HEATR1: variants seen among roughly 807,000 people sequenced by gnomAD.
HEATR1 encodes HEAT repeat-containing protein 1.
A neutral mutation model predicts 248.2 loss-of-function variants in HEATR1; 77 were observed. The ratio of observed to expected loss-of-function variants is 0.31; its 90% CI spans 0.26 to 0.37. The LOEUF is 0.37. HEATR1 is among the 10% of genes least tolerant of loss of function. The probability of loss-of-function intolerance (pLI) is 1.00; values close to 1 mark genes in which losing one functional copy is unlikely to be tolerated. For synonymous variants in HEATR1, 897 were observed against 923.1 expected (o/e 0.97, Z 0.51); for missense variants, 2,420 against 2,504.9 (o/e 0.97, Z 0.72).
chr1:236,582,946 C>G (rs1663792069), intron 18 of HEATR1, 67 bp downstream of exon 18: 2 of 1,604,078 alleles, frequency 1.2e-6, no homozygotes, highest in Non-Finnish European at 1.7e-6. Context: ...TCAAGACAGT[C>G]ATTGTGGAGT....
chr1:236,579,862 C>T (rs1258138197), intron 20 of HEATR1, among the ~76,000 whole-genome samples: 2 of 151,538 alleles, frequency 1.3e-5, no homozygotes, highest in Non-Finnish European at 2.9e-5. Context: ...AGGAATTGTT[C>T]AGGGAAAAGT....
intron 42 of HEATR1, among the ~76,000 whole-genome samples, chr1:236,554,341 G>A (rs1377480697): frequency 2.6e-5 from 4 of 152,138 alleles, no homozygotes; most frequent in Non-Finnish European, 4.4e-5. Flanking sequence ...GCAGCGAGCC[G>A]AGATTGCACC....
In HEATR1 at chr1:236,582,660, C is replaced by G. The variant is rs1020403982; in HGVS notation, c.2562+76G>C. The G allele has an allele frequency of 3.9e-6, 6 of 1,523,952 alleles. No individual in the cohort carries two copies. In the African/African-American group the frequency reaches 5.5e-5, roughly 14 times the overall value. 94.4% of individuals were successfully genotyped at this position (1,523,952 alleles called of 1,614,324 possible). A position where few individuals can be genotyped will look rare whatever the true frequency, so the allele number is the denominator to read the frequency against. ...TCAAGTGATCCGCCTGCCTCGGCCT[C>G]CCAAAGTGCTGGGATTGCAGGCCAG... is the stretch of plus-strand genomic sequence containing the variant. On this transcript the variant is annotated intron_variant, in intron 19 of 44. Transcript: ENST00000366582.
Position 236,549,706 on chromosome 1 carries a change from T to G in HEATR1, c.*1196A>C, listed in dbSNP as rs1251074176. On this transcript the variant is annotated 3_prime_UTR_variant, in exon 45 of 45. Transcript: ENST00000366582. ...AATCCCCCAGAGTTATTTTTCTCCA[T>G]AAAGACCATCAGAGTGCTTAACTGA... 2.0e-5 allele frequency: 3 copies of G among 152,144 alleles called. No individual in the cohort carries two copies. Among genetic ancestry groups the G allele is most frequent in the Non-Finnish European group, 4.4e-5 (3 of 68,028 alleles). 9.4% of individuals were successfully genotyped at this position (152,144 alleles called of 1,614,324 possible).
intron 3 of HEATR1, among the ~76,000 whole-genome samples, chr1:236,601,187 C>T (rs1558194291): frequency 6.6e-6 from 1 of 151,622 alleles, no homozygotes; most frequent in Non-Finnish European, 1.5e-5. Context: ...AAGTTAAAAT[C>T]ATGTTTTCTT....
At chr1:236,558,763 C>T (rs1448322290) in intron 35 of HEATR1, among the ~76,000 whole-genome samples, 1 of 152,198 alleles carries the variant, frequency 6.6e-6, no homozygotes, top group Admixed American at 6.5e-5. Context: ...CACGTAAGCT[C>T]TGTAGTAAGC....
intron 4 of HEATR1, 136 bp downstream of exon 4, chr1:236,599,347 A>T (rs1057312600): frequency 2.3e-5 from 14 of 603,730 alleles, no homozygotes; most frequent in Non-Finnish European, 3.8e-5. Flanking sequence ...AATAGTTTCA[A>T]TTGGAAGTCA....
chr1:236,564,783 TGTTCATC>T, intron 31 of HEATR1, 122 bp from the exon 32 acceptor site: 1 of 921,890 alleles, frequency 1.1e-6, no homozygotes, highest in Non-Finnish European at 1.6e-6. Context: ...CAGAGAAATG[TGTTCATC>T]TATTACATCC....
rs560210248 is a variant in HEATR1 at position 236,570,352 on chromosome 1, A to G, written c.3948+999T>C. 4.7e-4 allele frequency among the ~76,000 whole-genome samples: 71 copies of G among 152,326 alleles called. 1 individual carries two copies. Among genetic ancestry groups the G allele is most frequent in the African/African-American group, 1.7e-3 (69 of 41,580 alleles). ...CAAAAGAAACCAGACACAGAGGGCCACATATTGTATGACTCAATTTATATG... is the reference window on the plus strand; with the variant it reads ...CAAAAGAAACCAGACACAGAGGGCCGCATATTGTATGACTCAATTTATATG... On this transcript the variant is annotated intron_variant, in intron 28 of 44. Coordinates refer to ENST00000366582, the MANE Select transcript of HEATR1 (RefSeq NM_018072.6).
chr1:236,558,341 A>G lies in HEATR1; in HGVS notation c.5100T>C (p.Ile1700=), dbSNP rs764141113. 151 of 1,614,052 alleles carry G rather than the reference A, an allele frequency of 9.4e-5. No individual in the cohort carries two copies. Among genetic ancestry groups the G allele is most frequent in the Admixed American group, 6.5e-4 (39 of 60,012 alleles). The change falls in exon 36 of 45, where the codon ATT becomes ATC. Residue 1700 remains isoleucine (I), a synonymous_variant. Coordinates refer to ENST00000366582, the MANE Select transcript of HEATR1 (RefSeq NM_018072.6). Reference sequence around the variant, plus strand: ...TCTTCTCCTCCTTTCTCTCTGGAGCAATCAGTTTCACAGCAGTGTTCAGCA... The same window carrying G: ...TCTTCTCCTCCTTTCTCTCTGGAGCGATCAGTTTCACAGCAGTGTTCAGCA... ...VPVLNTAVKL[I]APERKEEKNV... is the part of the protein sequence containing the mutation.
At chr1:236,556,065 CT>C (rs753355586) in intron 38 of HEATR1, 34 bp downstream of exon 38, 18 of 1,613,208 alleles carry the variant, frequency 1.1e-5, no homozygotes, top group Non-Finnish European at 1.5e-5. Context: ...CCACCTCTCC[CT>C]TCTCCAAAGT....
intron 36 of HEATR1, 91 bp from the exon 37 acceptor site, chr1:236,557,436 CTG>C (rs2103125263): frequency 1.5e-6 from 2 of 1,358,552 alleles, no homozygotes; most frequent in South Asian, 2.7e-5. Context: ...AACCAGCAAA[CTG>C]TGCCTATTAC....
chr1:236,556,018 ATCT>A (rs1191759642), intron 38 of HEATR1, 79 bp from the exon 39 acceptor site: 21 of 1,605,802 alleles, frequency 1.3e-5, no homozygotes, highest in East Asian at 4.5e-5. Flanking sequence ...TAAAAACTAA[ATCT>A]TCTTCTTTAA....
In HEATR1 at chr1:236,558,540, C is replaced by G. The variant is rs1663038610; in HGVS notation, c.4912-11G>C. 1.9e-6 allele frequency: 3 copies of G among 1,597,318 alleles called. No homozygotes were observed. Among genetic ancestry groups the G allele is most frequent in the Non-Finnish European group, 2.6e-6 (3 of 1,170,714 alleles). ...TAGGAAACGGGTAACCTGAAGGGGA[C>G]AGCCAGAATCCCCAAATCATTAAAG... On this transcript the variant is annotated splice_polypyrimidine_tract_variant and intron_variant, in intron 35 of 44. Coordinates refer to ENST00000366582, the MANE Select transcript of HEATR1 (RefSeq NM_018072.6).
chr1:236,593,884 T>C, intron 9 of HEATR1, 128 bp downstream of exon 9: 1 of 632,618 alleles, frequency 1.6e-6, no homozygotes, highest in Admixed American at 3.5e-5. Context: ...TACTTATAGT[T>C]AATGAAATGA....
chr1:236,571,483 G>T lies in HEATR1; in HGVS notation c.3827-11C>A. ...CCTCATCTAAAATATCTACAATGGTGAGAAAGACAAAAACCCTAAGTGGCA... is the reference window on the plus strand; with the variant it reads ...CCTCATCTAAAATATCTACAATGGTTAGAAAGACAAAAACCCTAAGTGGCA... On this transcript the variant is annotated splice_polypyrimidine_tract_variant and intron_variant, in intron 27 of 44. Coordinates refer to ENST00000366582, the MANE Select transcript of HEATR1 (RefSeq NM_018072.6). 6.2e-7 allele frequency: 1 copy of T among 1,613,460 alleles called. No homozygotes were observed. Among genetic ancestry groups the T allele is most frequent in the South Asian group, 1.1e-5 (1 of 90,860 alleles).
Position 236,569,035 on chromosome 1 carries a change from A to G in HEATR1, c.4038T>C (p.Ile1346=). The change falls in exon 29 of 45, where the codon ATT becomes ATC. Residue 1346 remains isoleucine, a synonymous_variant. Transcript: ENST00000366582. ...GAATAACCATTTTCACTGTCTTGTT[A>G]ATAACTTGAAAACTGTAAGTATCAT... is the stretch of plus-strand genomic sequence containing the variant. The part of the protein sequence containing the change: ...RLDDTYSFQV[I]NKTVKMVIPA... 6.2e-7 allele frequency: 1 copy of G among 1,610,026 alleles called. No homozygotes were observed. The highest frequency in any genetic ancestry group is 8.5e-7 in the Non-Finnish European group (1 of 1,178,334).
In HEATR1 at chr1:236,580,824, A is replaced by ATTTT. The variant is rs71178327; in HGVS notation, c.2755+394_2755+397dup. On this transcript the variant is annotated intron_variant, in intron 20 of 44. Transcript: ENST00000366582. ...AAGCCACCTCGCCTGGCCTTTATCG[A>ATTTT]TTTTTTTTTTTTTTGAGATGGAGTC... is the stretch of plus-strand genomic sequence containing the variant. Among the ~76,000 whole-genome samples, 521 of 126,630 alleles carry ATTTT rather than the reference A, an allele frequency of 4.1e-3. 26 individuals carry two copies. Among genetic ancestry groups the ATTTT allele is most frequent in the Middle Eastern group, 0.018 (4 of 218 alleles). The allele number at this position is 126,630 out of a possible 152,430, so 83.1% of individuals were successfully genotyped here. A position where few individuals can be genotyped will look rare whatever the true frequency, so the allele number is the denominator to read the frequency against.
At chr1:236,589,966 C>T (rs1200058673) in intron 12 of HEATR1, among the ~76,000 whole-genome samples, 1 of 152,164 alleles carries the variant, frequency 6.6e-6, no homozygotes, top group Non-Finnish European at 1.5e-5. Flanking sequence ...AAAAATTGTA[C>T]AGGGACTGCT....
Sources: allele counts gnomAD v4.1 joint callset (sites outside exome capture counted in the v4.1 genomes callset), GRCh38; gene constraint gnomAD v4.1.1; transcripts MANE v1.5; gene names NCBI Gene and HGNC (gene_info 2026-07-23, HGNC 2026-07-21).